SDHAF3: variants seen among roughly 807,000 people sequenced by gnomAD.
The protein encoded by SDHAF3 is succinate dehydrogenase complex assembly factor 3.
A neutral mutation model predicts 11.5 loss-of-function variants in SDHAF3; 18 were observed. The ratio of observed to expected loss-of-function variants is 1.56; its 90% CI spans 1.08 to 2.32. SDHAF3 has a LOEUF of 2.32. Among genes scored for constraint, SDHAF3 ranks in the 30% most tolerant of loss-of-function variants. The pLI is 0.00. For synonymous variants in SDHAF3, 72 were observed against 59.3 expected, an observed-to-expected ratio of 1.21 and a Z score of -0.99; for missense variants, 200 against 154.4, an observed-to-expected ratio of 1.30 and a Z score of -1.57.
chr7:97,134,329 A>G (rs1279664455), intron 1 of SDHAF3, among the ~76,000 whole-genome samples: 1 of 152,240 alleles, frequency 6.6e-6, no homozygotes, highest in Non-Finnish European at 1.5e-5. Context: ...CTATAGATAT[A>G]TATAACTGAT....
chr7:97,137,957 C>G (rs1044873107), intron 1 of SDHAF3, among the ~76,000 whole-genome samples: 3 of 147,580 alleles, frequency 2.0e-5, no homozygotes, highest in African/African-American at 7.5e-5. Context: ...ACCACAACCT[C>G]CATCTCCTGG....
intron 1 of SDHAF3, among the ~76,000 whole-genome samples, chr7:97,133,459 A>G (rs1449492763): frequency 1.3e-5 from 2 of 152,190 alleles, no homozygotes; most frequent in Non-Finnish European, 2.9e-5. Context: ...CTGTGTCTGC[A>G]GTAGAAAACA....
chr7:97,148,555 A>G (rs1480299236), intron 1 of SDHAF3, among the ~76,000 whole-genome samples: 1 of 152,142 alleles, frequency 6.6e-6, no homozygotes, highest in Non-Finnish European at 1.5e-5. Context: ...AAAAATAAAC[A>G]AATAGTCACC....
At chr7:97,160,889 TAAAC>T (rs1008649922) in intron 1 of SDHAF3, among the ~76,000 whole-genome samples, 5 of 152,148 alleles carry the variant, frequency 3.3e-5, no homozygotes, top group African/African-American at 1.2e-4. Flanking sequence ...GAATTTAATA[TAAAC>T]AAACATTAAT....
In SDHAF3 at chr7:97,181,163, C is replaced by A. The variant is rs771256724; in HGVS notation, c.326C>A (p.Thr109Lys). 1 of 1,613,964 alleles carries A rather than the reference C, an allele frequency of 6.2e-7. No homozygotes were observed. Among genetic ancestry groups the A allele is most frequent in the East Asian group, 2.2e-5 (1 of 44,862 alleles). ...TTGCAGGAGCTGATGCAAGAAGCCA[C>A]AAAACCCAATAGGCAATTTAGTATT... ...GQLQELMQEATKPNRQFSISE... is the reference protein window; with the variant it reads ...GQLQELMQEAKKPNRQFSISE... The change falls in exon 2 of 2, where the codon ACA becomes AAA. Residue 109 changes from threonine to lysine, a missense_variant. Coordinates refer to ENST00000432641, the MANE Select transcript of SDHAF3 (RefSeq NM_020186.3).
chr7:97,132,113 A>G (rs540346429), intron 1 of SDHAF3, among the ~76,000 whole-genome samples: 2 of 152,172 alleles, frequency 1.3e-5, no homozygotes, highest in Admixed American at 1.3e-4. Flanking sequence ...ATTAAGGACA[A>G]TTTTTAAAAT....
intron 1 of SDHAF3, among the ~76,000 whole-genome samples, chr7:97,153,733 GC>G (rs1789260601): frequency 6.6e-6 from 1 of 152,174 alleles, no homozygotes; most frequent in Non-Finnish European, 1.5e-5. Flanking sequence ...ATTTCCACCA[GC>G]AGTGAATGAG....
At chr7:97,163,643 C>G (rs528928026) in intron 1 of SDHAF3, among the ~76,000 whole-genome samples, 1 of 152,232 alleles carries the variant, frequency 6.6e-6, no homozygotes, top group South Asian at 2.1e-4. Context: ...GCCATTTAGC[C>G]CATTAACATT....
intron 1 of SDHAF3, among the ~76,000 whole-genome samples, chr7:97,146,369 T>TA (rs1789135320): frequency 6.6e-6 from 1 of 152,238 alleles, no homozygotes; most frequent in African/African-American, 2.4e-5. Flanking sequence ...TTGTGTTTAT[T>TA]ATGTTGTTAG....
chr7:97,173,615 C>T (rs1279273384), intron 1 of SDHAF3, among the ~76,000 whole-genome samples: 8 of 148,814 alleles, frequency 5.4e-5, no homozygotes, highest in Admixed American at 1.3e-4. Flanking sequence ...TGCAGTGGCG[C>T]GATCTCGGCT....
At chr7:97,171,708 T>A (rs1789603618) in intron 1 of SDHAF3, among the ~76,000 whole-genome samples, 1 of 152,074 alleles carries the variant, frequency 6.6e-6, no homozygotes, top group African/African-American at 2.4e-5. Context: ...CTTTTCTAAA[T>A]AAGAATAGCC....
intron 1 of SDHAF3, among the ~76,000 whole-genome samples, chr7:97,128,035 G>A (rs1009508049): frequency 6.6e-6 from 1 of 151,450 alleles, no homozygotes; most frequent in Non-Finnish European, 1.5e-5. Context: ...CAAGTAGCTG[G>A]GATTACAGGC....
chr7:97,119,307 G>A (rs1253313557), intron 1 of SDHAF3, among the ~76,000 whole-genome samples: 1 of 152,114 alleles, frequency 6.6e-6, no homozygotes, highest in Non-Finnish European at 1.5e-5. Context: ...TAAAATGTAA[G>A]CACATGGAAG....
At chr7:97,158,601 G>T (rs187059158) in intron 1 of SDHAF3, among the ~76,000 whole-genome samples, 1 of 152,320 alleles carries the variant, frequency 6.6e-6, no homozygotes, top group African/African-American at 2.4e-5. Context: ...TGGGATTACA[G>T]ATGTGAGCCA....
chr7:97,181,196 C>T lies in SDHAF3; in HGVS notation c.359C>T (p.Ser120Phe). The part of the protein sequence containing the change: ...KPNRQFSISE[S>F]MKPKF ...AATAGGCAATTTAGTATTTCTGAGT[C>T]TATGAAACCAAAATTTTAGTCTATA... Residue 120 changes from serine to phenylalanine, a missense_variant, in exon 2 of 2, where the codon TCT (serine) becomes TTT (phenylalanine). Transcript: ENST00000432641. The T allele has an allele frequency of 1.2e-6, 2 of 1,612,624 alleles. No individual in the cohort carries two copies. Among genetic ancestry groups the T allele is most frequent in the Non-Finnish European group, 1.7e-6 (2 of 1,179,542 alleles).
chr7:97,133,686 T>C (rs889699757), intron 1 of SDHAF3, among the ~76,000 whole-genome samples: 11 of 152,214 alleles, frequency 7.2e-5, no homozygotes, highest in Admixed American at 3.9e-4. Context: ...TTCTTCTCTT[T>C]GTGTGTAAAT....
chr7:97,118,302 AATTT>A (rs1371803475), intron 1 of SDHAF3, among the ~76,000 whole-genome samples: 1 of 152,192 alleles, frequency 6.6e-6, no homozygotes, highest in Admixed American at 6.5e-5. Flanking sequence ...TTATTTCCGT[AATTT>A]ATTATTTAAT....
intron 1 of SDHAF3, among the ~76,000 whole-genome samples, chr7:97,130,595 C>T (rs1481367645): frequency 6.6e-6 from 1 of 152,206 alleles, no homozygotes. Flanking sequence ...GCTGGCCCCA[C>T]CCCTCCAATG....
intron 1 of SDHAF3, among the ~76,000 whole-genome samples, chr7:97,141,659 A>AT (rs1401975954): frequency 2.6e-5 from 4 of 152,018 alleles, no homozygotes; most frequent in African/African-American, 4.8e-5. Context: ...ACACCTGGCA[A>AT]TTTTTTTGTA....
Sources: allele counts gnomAD v4.1 joint callset (sites outside exome capture counted in the v4.1 genomes callset), GRCh38; gene constraint gnomAD v4.1.1; transcripts MANE v1.5; gene names NCBI Gene and HGNC (gene_info 2026-07-23, HGNC 2026-07-21).